TTLL5: variants seen among roughly 807,000 people sequenced by gnomAD.
The protein encoded by TTLL5 is tubulin tyrosine ligase like 5.
In TTLL5, 132 loss-of-function variants were observed where a neutral mutation model predicts 168.4. That is an observed-to-expected ratio of 0.78 (90% CI 0.68 to 0.91). The LOEUF is 0.91. TTLL5 is among the 40% of genes least tolerant of loss of function. The probability of loss-of-function intolerance (pLI) is 0.00; values close to 1 mark genes in which losing one functional copy is unlikely to be tolerated. For missense variants in TTLL5, 1,545 were observed against 1,581.5 expected, an observed-to-expected ratio of 0.98 and a Z score of 0.39; for synonymous variants, 546 against 558.6, an observed-to-expected ratio of 0.98 and a Z score of 0.32.
chr14:75,716,145 A>T (rs757704175), intron 9 of TTLL5, among the ~76,000 whole-genome samples: 1 of 152,152 alleles, frequency 6.6e-6, no homozygotes, highest in South Asian at 2.1e-4. Flanking sequence ...TGGACAATCT[A>T]TTAGAGGAAG....
At chr14:75,920,152 G>A (rs868124118) in intron 31 of TTLL5, among the ~76,000 whole-genome samples, 7 of 151,822 alleles carry the variant, frequency 4.6e-5, no homozygotes, top group African/African-American at 1.7e-4. Context: ...ACAACAAAAT[G>A]AAATGTAAAA....
chr14:75,693,718 G>C (rs1308028748), intron 6 of TTLL5, among the ~76,000 whole-genome samples: 1 of 152,206 alleles, frequency 6.6e-6, no homozygotes, highest in Non-Finnish European at 1.5e-5. Context: ...GAAGAAGATG[G>C]GGTGGTACCA....
chr14:75,879,424 T>G (rs2031680001), intron 29 of TTLL5, among the ~76,000 whole-genome samples: 1 of 152,214 alleles, frequency 6.6e-6, no homozygotes, highest in Non-Finnish European at 1.5e-5. Flanking sequence ...ATCCCATCCT[T>G]TAGTTTCTCA....
intron 28 of TTLL5, among the ~76,000 whole-genome samples, chr14:75,822,370 T>A (rs1894879325): frequency 6.6e-6 from 1 of 152,228 alleles, no homozygotes. Flanking sequence ...GTGGCCTGTT[T>A]TGAGAGCTTT....
chr14:75,931,259 A>G (rs1296574130), intron 31 of TTLL5, among the ~76,000 whole-genome samples: 1 of 152,104 alleles, frequency 6.6e-6, no homozygotes, highest in African/African-American at 2.4e-5. Flanking sequence ...CTGGCATCTC[A>G]GGTGTAACAC....
In TTLL5 at chr14:75,811,164, T is replaced by A. The variant is rs915112768; in HGVS notation, c.3172-8843T>A. Among the ~76,000 whole-genome samples the A allele has an allele frequency of 1.1e-3, 155 of 134,874 alleles. 3 individuals are homozygous for A. The highest frequency in any genetic ancestry group is 3.9e-3 in the Middle Eastern group (1 of 258). The allele number at this position is 134,874 out of a possible 152,430, so 88.5% of individuals were successfully genotyped here. A position where few individuals can be genotyped will look rare whatever the true frequency, so the allele number is the denominator to read the frequency against. On this transcript the variant is annotated intron_variant, in intron 27 of 31. Transcript: ENST00000298832. ...GAGGGAATGAAAGAAAGAGTGTGTG[T>A]GTGTGTGTGTGTGTGTGTGTGTGTA... is the stretch of plus-strand genomic sequence containing the variant.
intron 15 of TTLL5, among the ~76,000 whole-genome samples, chr14:75,736,215 T>C (rs1012905136): frequency 6.6e-6 from 1 of 152,174 alleles, no homozygotes; most frequent in African/African-American, 2.4e-5. Context: ...CCATTTTCTC[T>C]TTCCTTTTCT....
Position 75,763,253 on chromosome 14 carries a change from C to CTGTGTGTGTGTGTG in TTLL5, c.1551-1361_1551-1360insGTGTGTGTGTGTGT, listed in dbSNP as rs202149877. Among the ~76,000 whole-genome samples the CTGTGTGTGTGTGTG allele has an allele frequency of 5.2e-3, 760 of 145,466 alleles. 9 individuals are homozygous for CTGTGTGTGTGTGTG. The highest frequency in any genetic ancestry group is 0.016 in the African/African-American group (623 of 39,322). On this transcript the variant is annotated intron_variant, in intron 18 of 31. Transcript: ENST00000298832. ...TAAAAGTTTATTTCTATAGCTCTCT[C>CTGTGTGTGTGTGTG]TCTGTGTGTGTGTGTGTGTGTGTGT...
chr14:75,808,030 T>TA (rs1893758282), intron 27 of TTLL5, among the ~76,000 whole-genome samples: 1 of 152,190 alleles, frequency 6.6e-6, no homozygotes, highest in Non-Finnish European at 1.5e-5. Flanking sequence ...TCAGCCTTGT[T>TA]AATCACTAGA....
At chr14:75,670,904 G>T (rs1239753304) in intron 3 of TTLL5, among the ~76,000 whole-genome samples, 1 of 151,946 alleles carries the variant, frequency 6.6e-6, no homozygotes, top group East Asian at 1.9e-4. Context: ...TTTTTGTTTT[G>T]ATGACATCCA....
intron 23 of TTLL5, among the ~76,000 whole-genome samples, chr14:75,779,090 C>T (rs1305034680): frequency 6.6e-6 from 1 of 151,970 alleles, no homozygotes; most frequent in Non-Finnish European, 1.5e-5. Flanking sequence ...TGGTTGTTGT[C>T]TTGTTATTGT....
intron 29 of TTLL5, among the ~76,000 whole-genome samples, chr14:75,868,884 A>G (rs2030760768): frequency 6.6e-6 from 1 of 152,158 alleles, no homozygotes; most frequent in South Asian, 2.1e-4. Context: ...GCAGCTGGCA[A>G]TAACATGCTA....
At chr14:75,784,760 G>C (rs1892267621) in intron 26 of TTLL5, among the ~76,000 whole-genome samples, 2 of 152,192 alleles carry the variant, frequency 1.3e-5, no homozygotes, top group South Asian at 4.1e-4. Context: ...AGTTGTCTCT[G>C]TTTTTGATTT....
chr14:75,674,524 G>A (rs181015347), intron 3 of TTLL5, among the ~76,000 whole-genome samples: 2 of 152,108 alleles, frequency 1.3e-5, no homozygotes, highest in Admixed American at 1.3e-4. Context: ...AATATTTTTG[G>A]TACAATATGA....
At chr14:75,861,184 A>ACTGAG (rs1462509042) in intron 28 of TTLL5, among the ~76,000 whole-genome samples, 1 of 151,600 alleles carries the variant, frequency 6.6e-6, no homozygotes, top group Non-Finnish European at 1.5e-5. Flanking sequence ...GAGCAACTGA[A>ACTGAG]CTGTGGGAGC....
chr14:75,905,922 G>A (rs2033128024), intron 31 of TTLL5, among the ~76,000 whole-genome samples: 1 of 152,060 alleles, frequency 6.6e-6, no homozygotes, highest in South Asian at 2.1e-4. Context: ...TTGGTGGAAG[G>A]GACCTTACCA....
At chr14:75,914,617 T>C (rs1172642348) in intron 31 of TTLL5, among the ~76,000 whole-genome samples, 1 of 112,682 alleles carries the variant, frequency 8.9e-6, no homozygotes, top group Admixed American at 1.3e-4. Flanking sequence ...ATCACTACTC[T>C]TGTTTTTTTT....
chr14:75,811,183 G>GTGTGTGTGTA (rs752399420), intron 27 of TTLL5, among the ~76,000 whole-genome samples: 2 of 121,452 alleles, frequency 1.6e-5, no homozygotes, highest in African/African-American at 5.5e-5. Flanking sequence ...GTGTGTGTGT[G>GTGTGTGTGTA]TGTGTATGTG....
At chr14:75,730,042 A>T (rs938346998) in intron 12 of TTLL5, among the ~76,000 whole-genome samples, 1 of 152,232 alleles carries the variant, frequency 6.6e-6, no homozygotes, top group Non-Finnish European at 1.5e-5. Flanking sequence ...TGCATCAATT[A>T]CTATTTTCAC....
Sources: allele counts gnomAD v4.1 joint callset (sites outside exome capture counted in the v4.1 genomes callset), GRCh38; gene constraint gnomAD v4.1.1; transcripts MANE v1.5; gene names NCBI Gene and HGNC (gene_info 2026-07-23, HGNC 2026-07-21).